Variants in AGK observed in about 807,000 individuals in gnomAD.
The protein encoded by AGK is acylglycerol kinase.
AGK carries 52 observed loss-of-function variants against 66.4 expected under a neutral mutation model. The observed-to-expected ratio is 0.78, with a 90% CI of 0.63 to 0.99. The LOEUF is 0.99. Ranked by LOEUF, AGK falls within the 50% of genes least tolerant of loss-of-function variation. The pLI is 0.00. For synonymous variants in AGK, 182 were observed against 181.1 expected (o/e 1.00, Z -0.04); for missense variants, 451 against 506.6 (o/e 0.89, Z 1.05).
chr7:141,626,330 G>A (rs1796937496), intron 9 of AGK, among the ~76,000 whole-genome samples: 1 of 152,196 alleles, frequency 6.6e-6, no homozygotes, highest in Non-Finnish European at 1.5e-5. Flanking sequence ...CAGAAGGAAT[G>A]ATAGAAAATC....
At chr7:141,602,222 C>T (rs1356334274) in intron 5 of AGK, among the ~76,000 whole-genome samples, 1 of 69,740 alleles carries the variant, frequency 1.4e-5, no homozygotes, top group Non-Finnish European at 3.4e-5. Flanking sequence ...TATGTAGAGA[C>T]AGGAGCTCAC....
chr7:141,637,088 A>AT (rs199629817), intron 11 of AGK, 71 bp downstream of exon 11: 936 of 1,268,528 alleles, frequency 7.4e-4, no homozygotes, highest in East Asian at 6.3e-3. Context: ...TATATTTGGT[A>AT]TTTTTTTTTA....
intron 9 of AGK, among the ~76,000 whole-genome samples, chr7:141,630,989 G>A (rs916234293): frequency 1.6e-4 from 24 of 152,128 alleles, no homozygotes; most frequent in Non-Finnish European, 2.9e-4. Flanking sequence ...GGCTGAGTAG[G>A]GGTTCCATCA....
At position 141,555,216 on chromosome 7, in the gene AGK, A is replaced by G. The variant is rs1201532782; in HGVS notation, c.-14-237A>G. Among the ~76,000 whole-genome samples the G allele has an allele frequency of 6.6e-6, 1 of 152,138 alleles. No homozygotes were observed. Among genetic ancestry groups the G allele is most frequent in the Non-Finnish European group, 1.5e-5 (1 of 68,024 alleles). Reference sequence around the variant, plus strand: ...GAAGAAGTATAGGTTAGGTGGAAATACGTGAAGGAAGAAAGAAAGGTGGAT... The same window carrying G: ...GAAGAAGTATAGGTTAGGTGGAAATGCGTGAAGGAAGAAAGAAAGGTGGAT... On this transcript the variant is annotated intron_variant, in intron 1 of 15. Transcript: ENST00000649286. The surrounding 1 kb of genome is among the most constrained non-coding windows in gnomAD (Gnocchi z 4.2).
At chr7:141,592,219 G>A (rs1796136869) in intron 2 of AGK, among the ~76,000 whole-genome samples, 1 of 152,160 alleles carries the variant, frequency 6.6e-6, no homozygotes, top group South Asian at 2.1e-4. Context: ...GAGGCCCAAA[G>A]CAGCTCTCAC....
chr7:141,575,609 A>G (rs771072748), intron 2 of AGK, among the ~76,000 whole-genome samples: 1 of 128,544 alleles, frequency 7.8e-6, no homozygotes, highest in Non-Finnish European at 1.6e-5. Context: ...AAAAACTAAG[A>G]TTTCCAGGAA....
intron 9 of AGK, among the ~76,000 whole-genome samples, chr7:141,629,851 T>C (rs12703398): frequency 0.44 from 66,823 of 151,712 alleles, 15,107 homozygotes; most frequent in East Asian, 0.58. Flanking sequence ...CTTATCTCAG[T>C]GCTTCTTGCC....
In AGK at chr7:141,636,813, T is replaced by C. The variant is rs1587155957; in HGVS notation, c.669-147T>C. 6.9e-6 allele frequency: 4 copies of C among 577,222 alleles called. No homozygotes were observed. In the East Asian group the frequency reaches 1.1e-4, roughly 16 times the overall value. 35.8% of individuals were successfully genotyped at this position (577,222 alleles called of 1,614,324 possible). Reference sequence around the variant, plus strand: ...GATTTAAAATTGAATGTAATACTCTTTTATACTAAGCCATAACCTCCTAGC... The same window carrying C: ...GATTTAAAATTGAATGTAATACTCTCTTATACTAAGCCATAACCTCCTAGC... On this transcript the variant is annotated intron_variant, in intron 10 of 15. Transcript: ENST00000649286.
chr7:141,634,416 G>C (rs1797125340), intron 10 of AGK, among the ~76,000 whole-genome samples: 2 of 152,222 alleles, frequency 1.3e-5, no homozygotes, highest in South Asian at 4.1e-4. Context: ...AGGCCTCGCA[G>C]ATTGGGAGAC....
intron 1 of AGK, among the ~76,000 whole-genome samples, chr7:141,552,049 G>A (rs536738180): frequency 7.2e-5 from 11 of 152,110 alleles, no homozygotes; most frequent in African/African-American, 2.4e-4. Flanking sequence ...ACCTGGCTTG[G>A]TTCCTCCTCT....
chr7:141,564,994 C>T (rs919510090), intron 2 of AGK, among the ~76,000 whole-genome samples: 21 of 152,084 alleles, frequency 1.4e-4, no homozygotes, highest in Non-Finnish European at 2.4e-4. Context: ...CCCAAAGGGC[C>T]GGGATTAAGG....
At chr7:141,604,585 T>A (rs1796417236) in intron 5 of AGK, among the ~76,000 whole-genome samples, 2 of 144,546 alleles carry the variant, frequency 1.4e-5, no homozygotes, top group East Asian at 2.0e-4. Context: ...TTGTAGAATT[T>A]TTTTTTTTTT....
At chr7:141,582,477 T>C (rs1289232583) in intron 2 of AGK, among the ~76,000 whole-genome samples, 2 of 151,998 alleles carry the variant, frequency 1.3e-5, no homozygotes, top group Non-Finnish European at 2.9e-5. Flanking sequence ...AATTTAATTT[T>C]TGGAGTTTTA....
intron 5 of AGK, among the ~76,000 whole-genome samples, chr7:141,610,565 T>C (rs1191495326): frequency 2.0e-5 from 3 of 152,238 alleles, no homozygotes; most frequent in Admixed American, 1.3e-4. Context: ...CCTGTATTTC[T>C]TTATGTATGG....
At chr7:141,625,740 G>C (rs919268931) in intron 9 of AGK, among the ~76,000 whole-genome samples, 6 of 152,108 alleles carry the variant, frequency 3.9e-5, no homozygotes, top group African/African-American at 1.4e-4. Flanking sequence ...AGGTGAAACT[G>C]TTCTCATATC....
At chr7:141,581,053 A>G (rs2116897381) in intron 2 of AGK, among the ~76,000 whole-genome samples, 1 of 152,082 alleles carries the variant, frequency 6.6e-6, no homozygotes, top group Middle Eastern at 3.4e-3. Context: ...GTTGTTTTGT[A>G]GAAGGGGTTG....
intron 8 of AGK, 22 bp from the exon 9 acceptor site, chr7:141,621,710 A>T: frequency 6.3e-7 from 1 of 1,587,636 alleles, no homozygotes; most frequent in Non-Finnish European, 8.6e-7. Flanking sequence ...TCATAATATG[A>T]TCATTTCCTT....
At chr7:141,604,727 G>C (rs1450231690) in intron 5 of AGK, among the ~76,000 whole-genome samples, 2 of 151,462 alleles carry the variant, frequency 1.3e-5, no homozygotes, top group African/African-American at 4.9e-5. Flanking sequence ...AGGATTACAG[G>C]TGCGTGCCAC....
At chr7:141,641,534 G>C in intron 12 of AGK, 136 bp downstream of exon 12, 1 of 1,048,862 alleles carries the variant, frequency 9.5e-7, no homozygotes. Flanking sequence ...TCATCCTTCT[G>C]TGTGCCACCA....
Sources: gnomAD v4.1 joint callset for allele counts (sites outside exome capture counted in the v4.1 genomes callset) on GRCh38, gnomAD v4.1.1 for gene constraint, Gnocchi (gnomAD v3.1) non-coding constraint, MANE v1.5 for transcripts, NCBI Gene and HGNC (gene_info 2026-07-23, HGNC 2026-07-21) for gene names.